Variants in CNTNAP5 observed in about 807,000 individuals in gnomAD.
CNTNAP5 encodes the protein contactin-associated protein-like 5.
Under a neutral mutation model 150.2 loss-of-function variants are expected in CNTNAP5, and 72 were observed. The observed-to-expected ratio is 0.48, with a 90% CI of 0.40 to 0.58. CNTNAP5 has a LOEUF of 0.58. Among genes scored for constraint, CNTNAP5 ranks in the 20% least tolerant of loss-of-function variants. The pLI is 0.00. For missense variants in CNTNAP5, 1,636 were observed against 1,626.2 expected, an observed-to-expected ratio of 1.01 and a Z score of -0.10; for synonymous variants, 672 against 619.8, an observed-to-expected ratio of 1.08 and a Z score of -1.25.
chr2:124,056,363 G>A (rs183402425), intron 1 of CNTNAP5, among the ~76,000 whole-genome samples: 47 of 152,264 alleles, frequency 3.1e-4, no homozygotes, highest in African/African-American at 1.1e-3. Flanking sequence ...GGTGGCTCAC[G>A]CCTGTAATCC....
chr2:124,096,704 ATTT>A (rs1318551095), intron 1 of CNTNAP5, among the ~76,000 whole-genome samples: 2 of 151,072 alleles, frequency 1.3e-5, no homozygotes, highest in Non-Finnish European at 2.9e-5. Context: ...TATTATTATT[ATTT>A]ATTTATTTAT....
intron 1 of CNTNAP5, among the ~76,000 whole-genome samples, chr2:124,033,924 A>G (rs568947204): frequency 6.6e-6 from 1 of 152,328 alleles, no homozygotes; most frequent in African/African-American, 2.4e-5. Context: ...CCAGAAAAAA[A>G]AAAAAGTGTG....
At chr2:124,226,385 G>A (rs1423415217) in intron 2 of CNTNAP5, among the ~76,000 whole-genome samples, 2 of 151,862 alleles carry the variant, frequency 1.3e-5, no homozygotes, top group East Asian at 3.9e-4. Flanking sequence ...TGTGCCTGTT[G>A]GCCATTTGTA....
At chr2:124,785,040 A>AG (rs1200239009) in intron 17 of CNTNAP5, among the ~76,000 whole-genome samples, 3 of 80,314 alleles carry the variant, frequency 3.7e-5, no homozygotes, top group South Asian at 7.2e-4. Flanking sequence ...ATTAAGGCTG[A>AG]GAAAAAAAAA....
chr2:124,735,478 A>T (rs1043175816), intron 13 of CNTNAP5, among the ~76,000 whole-genome samples: 1 of 151,984 alleles, frequency 6.6e-6, no homozygotes, highest in Non-Finnish European at 1.5e-5. Flanking sequence ...AAATCAATAG[A>T]TAGACTAATA....
chr2:124,503,686 C>T (rs771653155), intron 7 of CNTNAP5, among the ~76,000 whole-genome samples: 14 of 152,190 alleles, frequency 9.2e-5, no homozygotes, highest in Non-Finnish European at 1.9e-4. Flanking sequence ...CCTTTCCAGA[C>T]TTACCTCCTT....
chr2:124,758,527 C>T (rs531120403), intron 14 of CNTNAP5, among the ~76,000 whole-genome samples: 47 of 151,510 alleles, frequency 3.1e-4, no homozygotes, highest in Admixed American at 9.9e-4. Flanking sequence ...CATTAGGGGC[C>T]GACATGTTCC....
chr2:124,138,520 G>T (rs1246868826), intron 1 of CNTNAP5, among the ~76,000 whole-genome samples: 1 of 152,124 alleles, frequency 6.6e-6, no homozygotes, highest in South Asian at 2.1e-4. Flanking sequence ...AGACCTTAAA[G>T]TTTGTTTGTT....
chr2:124,517,468 C>T (rs912586980), intron 8 of CNTNAP5, among the ~76,000 whole-genome samples: 2 of 133,702 alleles, frequency 1.5e-5, no homozygotes, highest in African/African-American at 5.8e-5. Flanking sequence ...TGTGTTGTTG[C>T]TCATGGGAGG....
chr2:124,904,064 A>AG lies in CNTNAP5; in HGVS notation c.3655+964_3655+965insG, dbSNP rs1491239810. Among the ~76,000 whole-genome samples, 7 of 143,924 alleles carry AG rather than the reference A, an allele frequency of 4.9e-5. 1 individual carries two copies. In the East Asian group the frequency reaches 1.2e-3, roughly 24 times the overall value. The allele number at this position is 143,924 out of a possible 152,430, so 94.4% of individuals were successfully genotyped here. A position where few individuals can be genotyped will look rare whatever the true frequency, so the allele number is the denominator to read the frequency against. ...GTGAGACTCTGTTTCAAAAAAAAAA[A>AG]CAAAAAAAAAAAAACCAAAATGTAT... On this transcript the variant is annotated intron_variant, in intron 22 of 23. Transcript: ENST00000682447.
chr2:124,835,945 A>G (rs964952379), intron 19 of CNTNAP5, among the ~76,000 whole-genome samples: 2 of 152,276 alleles, frequency 1.3e-5, no homozygotes, highest in East Asian at 3.9e-4. Context: ...ATACCCTGGC[A>G]AACATATTGC....
intron 3 of CNTNAP5, among the ~76,000 whole-genome samples, chr2:124,356,760 T>A (rs1690021582): frequency 6.6e-6 from 1 of 151,924 alleles, no homozygotes; most frequent in Non-Finnish European, 1.5e-5. Context: ...AATGCCACAA[T>A]AAACATACGT....
rs547070175 is a variant in CNTNAP5, at chr2:124,408,663, G to A, written c.382-8780G>A. ...CAAGGCAGGGTATTCCAACAGACCT[G>A]CAGCTGAGGGTCCTGTCTGTTAGAA... On this transcript the variant is annotated intron_variant, in intron 3 of 23. Transcript: ENST00000682447. 8.6e-5 allele frequency among the ~76,000 whole-genome samples: 13 copies of A among 151,930 alleles called. No homozygotes were observed. In the East Asian group the frequency reaches 2.5e-3, roughly 30 times the overall value.
At chr2:124,200,739 G>C (rs151312561) in intron 1 of CNTNAP5, among the ~76,000 whole-genome samples, 1 of 152,172 alleles carries the variant, frequency 6.6e-6, no homozygotes, top group Non-Finnish European at 1.5e-5. Context: ...GTCCTGCCAC[G>C]TATTTCTTAC....
chr2:124,418,109 A>G (rs1020371916), intron 4 of CNTNAP5, among the ~76,000 whole-genome samples: 1 of 152,212 alleles, frequency 6.6e-6, no homozygotes, highest in Non-Finnish European at 1.5e-5. Flanking sequence ...TCTTGCACAT[A>G]AAGATTATAA....
intron 13 of CNTNAP5, among the ~76,000 whole-genome samples, chr2:124,709,218 T>G (rs1679756093): frequency 7.3e-6 from 1 of 137,148 alleles, no homozygotes; most frequent in African/African-American, 2.8e-5. Flanking sequence ...GGAGGGAGGG[T>G]GTGTGTGTGT....
intron 19 of CNTNAP5, among the ~76,000 whole-genome samples, chr2:124,836,811 C>T (rs181122161): frequency 6.6e-6 from 1 of 152,114 alleles, no homozygotes; most frequent in African/African-American, 2.4e-5. Context: ...ATAATCCCCA[C>T]TGAACAGTGA....
At chr2:124,381,108 G>A (rs1401586367) in intron 3 of CNTNAP5, among the ~76,000 whole-genome samples, 5 of 152,140 alleles carry the variant, frequency 3.3e-5, no homozygotes, top group South Asian at 2.1e-4. Flanking sequence ...GGAACTTGAC[G>A]TGGGAACTAG....
chr2:124,620,890 G>A (rs1677601121), intron 12 of CNTNAP5, among the ~76,000 whole-genome samples: 1 of 152,088 alleles, frequency 6.6e-6, no homozygotes, highest in Admixed American at 6.6e-5. Context: ...GACATAGTAT[G>A]AATGATATTA....
Sources: gnomAD v4.1 joint callset for allele counts (sites outside exome capture counted in the v4.1 genomes callset) on GRCh38, gnomAD v4.1.1 for gene constraint, MANE v1.5 for transcripts, NCBI Gene and HGNC (gene_info 2026-07-23, HGNC 2026-07-21) for gene names.